SPATA6: variants seen among roughly 807,000 people sequenced by gnomAD.
The protein encoded by SPATA6 is spermatogenesis-associated protein 6.
SPATA6 carries 56 observed loss-of-function variants against 65.3 expected under a neutral mutation model. The observed-to-expected ratio is 0.86, with a 90% confidence interval of 0.69 to 1.07. The LOEUF (loss-of-function observed/expected upper bound fraction) is 1.07, where lower values mean the gene tolerates loss of function less well. Ranked by LOEUF, SPATA6 falls within the 50% of genes least tolerant of loss-of-function variation. The pLI is 0.00. For missense variants in SPATA6, 590 were observed against 594.8 expected (o/e 0.99, Z 0.08); for synonymous variants, 199 against 213.2 (o/e 0.93, Z 0.58).
rs557052892 is a variant in SPATA6 at position 48,433,788 on chromosome 1, G to C, written c.238+17764C>G. Reference sequence around the variant, plus strand: ...AGAAATATTCTCATGCACAGACTTAGAGGAATTTATTCTTAGCCTCAAAAC... The same window carrying C: ...AGAAATATTCTCATGCACAGACTTACAGGAATTTATTCTTAGCCTCAAAAC... On this transcript the variant is annotated intron_variant, in intron 3 of 12. Coordinates refer to ENST00000371847, the MANE Select transcript of SPATA6 (RefSeq NM_019073.4). Among the ~76,000 whole-genome samples the C allele has an allele frequency of 2.6e-5, 4 of 152,228 alleles. No homozygotes were observed. In the South Asian group the frequency reaches 6.2e-4, roughly 24 times the overall value.
intron 9 of SPATA6, among the ~76,000 whole-genome samples, chr1:48,378,575 A>G (rs1276420764): frequency 6.6e-6 from 1 of 152,198 alleles, no homozygotes; most frequent in Admixed American, 6.5e-5. Flanking sequence ...CACTTCTTAC[A>G]TGATGGTGGA....
chr1:48,359,595 A>T lies in SPATA6; in HGVS notation c.1085T>A (p.Leu362His). 1 of 1,612,774 alleles carries T rather than the reference A, an allele frequency of 6.2e-7. No homozygotes were observed. The highest frequency in any genetic ancestry group is 8.5e-7 in the Non-Finnish European group (1 of 1,179,126). Residue 362 changes from leucine (L) to histidine (H), a missense_variant, in exon 10 of 13, where the codon CTC (leucine) becomes CAC (histidine). Transcript: ENST00000371847. ...SPSPVLNRAS[L>H]RERFHSDWCS... ...GACCGCACATAATTACCTTTCCCTG[A>T]GAGAAGCTCTATTTAACACAGGGCT...
chr1:48,388,916 G>A (rs1032529979), intron 8 of SPATA6, among the ~76,000 whole-genome samples: 77 of 151,458 alleles, frequency 5.1e-4, no homozygotes, highest in African/African-American at 1.8e-3. Flanking sequence ...ACAGAGTTTC[G>A]CTCTTCTTGC....
intron 3 of SPATA6, among the ~76,000 whole-genome samples, chr1:48,435,730 G>A (rs148737680): frequency 0.011 from 1,632 of 151,680 alleles, 30 homozygotes; most frequent in African/African-American, 0.029. Flanking sequence ...CCCCGGTCGC[G>A]GCCTCGCCGC....
the SPATA6 span, among the ~76,000 whole-genome samples, chr1:48,278,010 C>A: frequency 1.3e-5 from 2 of 152,182 alleles, no homozygotes; most frequent in Non-Finnish European, 2.9e-5. Flanking sequence ...CAGACAGCAG[C>A]ATTCACGGTT....
At chr1:48,436,429 G>A in intron 3 of SPATA6, 1 of 1,608,816 alleles carries the variant, frequency 6.2e-7, no homozygotes, top group Non-Finnish European at 8.5e-7. Flanking sequence ...TTTTCCTGAA[G>A]GAATGAGTGA....
chr1:48,297,730 T>A lies in SPATA6; in HGVS notation c.*983A>T, dbSNP rs545914009. ...TATCATTGGCTTCACAGGTGTGTGC[T>A]GGGGTGGGGGAGGAGAAGTTAATTC... On this transcript the variant is annotated 3_prime_UTR_variant, in exon 13 of 13. Transcript: ENST00000371847. 1 of 152,200 alleles carries A rather than the reference T, an allele frequency of 6.6e-6. No homozygotes were observed. Among genetic ancestry groups the A allele is most frequent in the East Asian group, 1.9e-4 (1 of 5,170 alleles). 9.4% of individuals were successfully genotyped at this position (152,200 alleles called of 1,614,324 possible).
chr1:48,332,615 C>A (rs1645947579), intron 11 of SPATA6, among the ~76,000 whole-genome samples: 1 of 152,132 alleles, frequency 6.6e-6, no homozygotes, highest in Non-Finnish European at 1.5e-5. Flanking sequence ...TAGACTCCCA[C>A]AGAATAATAG....
intron 11 of SPATA6, among the ~76,000 whole-genome samples, chr1:48,310,478 G>A (rs1441266545): frequency 6.6e-6 from 1 of 152,220 alleles, no homozygotes; most frequent in Non-Finnish European, 1.5e-5. Flanking sequence ...ATATTTAGCT[G>A]TTTTTCATGT....
chr1:48,291,061 G>A (rs1281825246), downstream of SPATA6, among the ~76,000 whole-genome samples: 6 of 152,100 alleles, frequency 3.9e-5, no homozygotes, highest in African/African-American at 7.2e-5. Flanking sequence ...TCAGCACCAC[G>A]TCGCACTTAC....
the SPATA6 span, among the ~76,000 whole-genome samples, chr1:48,267,987 G>A: frequency 2.6e-5 from 4 of 151,818 alleles, no homozygotes; most frequent in African/African-American, 9.7e-5. Context: ...TCCTGACCTC[G>A]TGATCCACCT....
intron 1 of SPATA6, among the ~76,000 whole-genome samples, chr1:48,471,604 T>G (rs752823731): frequency 2.0e-4 from 30 of 152,066 alleles, no homozygotes; most frequent in Middle Eastern, 3.2e-3. Context: ...CTAAGAGAAC[T>G]GGAGCCCGAA....
At chr1:48,466,543 TAC>T (rs913751604) in intron 1 of SPATA6, among the ~76,000 whole-genome samples, 40 of 152,004 alleles carry the variant, frequency 2.6e-4, no homozygotes, top group African/African-American at 9.6e-4. Flanking sequence ...AGGTAAAAGG[TAC>T]AGAGGAGGCC....
At chr1:48,466,347 T>C (rs1283893104) in intron 1 of SPATA6, among the ~76,000 whole-genome samples, 1 of 152,092 alleles carries the variant, frequency 6.6e-6, no homozygotes, top group African/African-American at 2.4e-5. Flanking sequence ...AAAAGCAGGT[T>C]GCAGAAGGAT....
intron 9 of SPATA6, among the ~76,000 whole-genome samples, chr1:48,382,074 G>C (rs1349929309): frequency 1.2e-5 from 1 of 80,820 alleles, no homozygotes; most frequent in Non-Finnish European, 2.5e-5. Flanking sequence ...TCTTAGTACA[G>C]AACAAAATGA....
chr1:48,400,305 A>C (rs1188093513), intron 6 of SPATA6, among the ~76,000 whole-genome samples: 1 of 151,984 alleles, frequency 6.6e-6, no homozygotes, highest in Non-Finnish European at 1.5e-5. Context: ...TATAAAAAGC[A>C]TTATAAACTT....
chr1:48,419,635 A>G (rs966532475), intron 3 of SPATA6, among the ~76,000 whole-genome samples: 6 of 152,216 alleles, frequency 3.9e-5, no homozygotes, highest in Non-Finnish European at 5.9e-5. Context: ...CTGGGCAAAG[A>G]TAAGTATGGG....
chr1:48,308,879 C>A (rs886555405), intron 11 of SPATA6, among the ~76,000 whole-genome samples: 2 of 151,982 alleles, frequency 1.3e-5, no homozygotes, highest in African/African-American at 4.8e-5. Context: ...TTGACTCTGG[C>A]TTTTTTCAAA....
At chr1:48,281,607 C>T in the SPATA6 span, among the ~76,000 whole-genome samples, 1 of 151,280 alleles carries the variant, frequency 6.6e-6, no homozygotes, top group East Asian at 1.9e-4. Flanking sequence ...GAATAAAATA[C>T]CTAGGAATCC....
Sources: gnomAD v4.1 joint callset for allele counts (sites outside exome capture counted in the v4.1 genomes callset) on GRCh38, gnomAD v4.1.1 for gene constraint, MANE v1.5 for transcripts, NCBI Gene and HGNC (gene_info 2026-07-23, HGNC 2026-07-21) for gene names.